PDIA5: variants seen among roughly 807,000 people sequenced by gnomAD.
PDIA5 encodes the protein protein disulfide isomerase family A member 5.
A neutral mutation model predicts 77.6 loss-of-function variants in PDIA5; 58 were observed. That is an observed-to-expected ratio of 0.75 (90% confidence interval 0.61 to 0.93). The LOEUF (loss-of-function observed/expected upper bound fraction) is 0.93. Among genes scored for constraint, PDIA5 ranks in the 40% least tolerant of loss-of-function variants. The pLI is 0.00. For missense variants in PDIA5, 630 were observed against 647.7 expected, an observed-to-expected ratio of 0.97 and a Z score of 0.30; for synonymous variants, 250 against 252.1, an observed-to-expected ratio of 0.99 and a Z score of 0.08.
At chr3:123,092,567 C>T in intron 3 of PDIA5, 125 bp downstream of exon 3, 1 of 754,070 alleles carries the variant, frequency 1.3e-6, no homozygotes, top group Admixed American at 2.2e-5. Flanking sequence ...GGAAAGATTC[C>T]ATCTAGTGAT....
intron 7 of PDIA5, among the ~76,000 whole-genome samples, chr3:123,112,890 C>T (rs866026362): frequency 1.1e-4 from 16 of 152,214 alleles, no homozygotes; most frequent in Non-Finnish European, 1.6e-4. Flanking sequence ...GCTGGGTGTC[C>T]TCCAGCCCCA....
chr3:123,077,717 A>G (rs9830150), intron 1 of PDIA5, among the ~76,000 whole-genome samples: 20,314 of 152,136 alleles, frequency 0.13, 1,598 homozygotes, highest in Non-Finnish European at 0.18. Context: ...TTCACTCCTT[A>G]TGAAGAGTGG....
intron 1 of PDIA5, among the ~76,000 whole-genome samples, chr3:123,082,484 G>A (rs1258205599): frequency 6.6e-6 from 1 of 152,088 alleles, no homozygotes; most frequent in East Asian, 1.9e-4. Flanking sequence ...CCTGGGAAGT[G>A]TGCTCTAAAT....
At chr3:123,084,757 A>G (rs776729858) in intron 1 of PDIA5, among the ~76,000 whole-genome samples, 2 of 151,464 alleles carry the variant, frequency 1.3e-5, no homozygotes, top group African/African-American at 4.9e-5. Flanking sequence ...TTCCTCACTT[A>G]CCTATGAATA....
intron 2 of PDIA5, among the ~76,000 whole-genome samples, chr3:123,090,260 C>T (rs765776174): frequency 1.3e-5 from 2 of 152,204 alleles, no homozygotes; most frequent in African/African-American, 2.4e-5. Context: ...ACTAGCATTC[C>T]TCTGCTGTCA....
At chr3:123,079,964 A>G (rs1933954517) in intron 1 of PDIA5, among the ~76,000 whole-genome samples, 1 of 152,180 alleles carries the variant, frequency 6.6e-6, no homozygotes, top group South Asian at 2.1e-4. Flanking sequence ...AAAATAGCAC[A>G]TTACTCTTTT....
At chr3:123,104,119 C>T (rs1011174238) in intron 5 of PDIA5, among the ~76,000 whole-genome samples, 3 of 152,158 alleles carry the variant, frequency 2.0e-5, no homozygotes, top group African/African-American at 7.2e-5. Context: ...CTGGCTTCGC[C>T]CCACTTCTTA....
At position 123,151,811 on chromosome 3, in the gene PDIA5, G is replaced by GCCTT. The variant is rs1560561854; in HGVS notation, c.1273+1450_1273+1451insTCCT. Among the ~76,000 whole-genome samples, 40 of 117,434 alleles carry GCCTT rather than the reference G, an allele frequency of 3.4e-4. 1 individual carries two copies. The highest frequency in any genetic ancestry group is 1.2e-3 in the African/African-American group (38 of 30,760). The allele number at this position is 117,434 out of a possible 152,430, so 77.0% of individuals were successfully genotyped here. ...TGCCTTCCTGCCTGCCTGCCTTCCT[G>GCCTT]CCTGCCTGCCTGCCTGCCTTCCTGC... On this transcript the variant is annotated intron_variant, in intron 14 of 16. Coordinates refer to ENST00000316218, the MANE Select transcript of PDIA5 (RefSeq NM_006810.4).
chr3:123,119,639 G>A (rs1576451521), intron 8 of PDIA5, among the ~76,000 whole-genome samples: 1 of 152,312 alleles, frequency 6.6e-6, no homozygotes, highest in Middle Eastern at 3.4e-3. Flanking sequence ...AGAAACTGGG[G>A]ACCTGGCTGG....
chr3:123,075,260 G>A (rs963851358), intron 1 of PDIA5, among the ~76,000 whole-genome samples: 1 of 152,186 alleles, frequency 6.6e-6, no homozygotes, highest in Admixed American at 6.5e-5. Context: ...AAGATGTGTT[G>A]CTTAGAAGAG....
rs1238599250 is a variant in PDIA5, at chr3:123,161,358, A to T, written c.1382A>T (p.Asn461Ile). Residue 461 changes from asparagine (N) to isoleucine (I), a missense_variant, in exon 16 of 17, where the codon AAC becomes ATC. Transcript: ENST00000316218. ...CAAVDCVKDK[N>I]QDLCQQEAVK... is the part of the protein sequence containing the mutation. ...GCTGTTGACTGTGTCAAAGACAAGA[A>T]CCAAGACCTGTGCCAGCAGGAGGCG... The T allele has an allele frequency of 6.2e-7, 1 of 1,614,208 alleles. No individual in the cohort carries two copies. Among genetic ancestry groups the T allele is most frequent in the Admixed American group, 1.7e-5 (1 of 60,024 alleles).
chr3:123,080,292 G>T (rs1391954579), intron 1 of PDIA5, among the ~76,000 whole-genome samples: 1 of 152,182 alleles, frequency 6.6e-6, no homozygotes, highest in Non-Finnish European at 1.5e-5. Context: ...GGTCTCAGGA[G>T]ATTTTGAGTC....
chr3:123,130,115 C>T (rs1229192651), intron 10 of PDIA5, among the ~76,000 whole-genome samples: 1 of 152,304 alleles, frequency 6.6e-6, no homozygotes, highest in African/African-American at 2.4e-5. Flanking sequence ...TTCACTGTTG[C>T]TATTTATTCT....
At chr3:123,135,954 T>C (rs1347431269) in intron 11 of PDIA5, among the ~76,000 whole-genome samples, 1 of 151,728 alleles carries the variant, frequency 6.6e-6, no homozygotes, top group African/African-American at 2.4e-5. Flanking sequence ...TTTATTTATT[T>C]CTGTTTTTTT....
At chr3:123,145,949 TC>T (rs1233886635) in intron 12 of PDIA5, 149 bp from the exon 13 acceptor site, 2 of 704,890 alleles carry the variant, frequency 2.8e-6, no homozygotes, top group African/African-American at 1.8e-5. Context: ...GTTCAGTTGT[TC>T]CCTGGGATAT....
At chr3:123,072,183 T>C (rs922821846) in intron 1 of PDIA5, among the ~76,000 whole-genome samples, 2 of 152,234 alleles carry the variant, frequency 1.3e-5, no homozygotes, top group Admixed American at 6.5e-5. Flanking sequence ...CTCTCTGTTA[T>C]CTACAAGATA....
At chr3:123,136,663 C>T (rs565456811) in intron 11 of PDIA5, among the ~76,000 whole-genome samples, 12 of 145,572 alleles carry the variant, frequency 8.2e-5, no homozygotes, top group South Asian at 6.7e-4. Context: ...TGCTTGAACC[C>T]GGGAGGCAGA....
At chr3:123,071,979 G>T (rs1185253350) in intron 1 of PDIA5, among the ~76,000 whole-genome samples, 1 of 152,182 alleles carries the variant, frequency 6.6e-6, no homozygotes, top group Non-Finnish European at 1.5e-5. Flanking sequence ...GGGATGAGGG[G>T]AGTAAGACTG....
chr3:123,125,564 A>G (rs1456291971), intron 10 of PDIA5, among the ~76,000 whole-genome samples: 2 of 152,170 alleles, frequency 1.3e-5, no homozygotes, highest in Admixed American at 1.3e-4. Flanking sequence ...TTAGGAACAC[A>G]GTGTGCAAAC....
Sources: gnomAD v4.1 joint callset for allele counts (sites outside exome capture counted in the v4.1 genomes callset) on GRCh38, gnomAD v4.1.1 for gene constraint, MANE v1.5 for transcripts, NCBI Gene and HGNC (gene_info 2026-07-23, HGNC 2026-07-21) for gene names.